Variants in FBXL20 observed in about 807,000 individuals in gnomAD.
The protein encoded by FBXL20 is F-box/LRR-repeat protein 20.
In FBXL20, 11 loss-of-function variants were observed where a neutral mutation model predicts 64.0. The ratio of observed to expected loss-of-function variants is 0.17; its 90% CI spans 0.11 to 0.28. The LOEUF (loss-of-function observed/expected upper bound fraction) is 0.28, where lower values mean the gene tolerates loss of function less well. Among genes scored for constraint, FBXL20 ranks in the 10% least tolerant of loss-of-function variants. FBXL20 has a pLI of 1.00. For synonymous variants in FBXL20, 184 were observed against 189.0 expected, an observed-to-expected ratio of 0.97 and a Z score of 0.22; for missense variants, 303 against 526.2, an observed-to-expected ratio of 0.58 and a Z score of 4.15.
intron 2 of FBXL20, among the ~76,000 whole-genome samples, chr17:39,331,145 G>A (rs930144575): frequency 4.6e-5 from 7 of 152,170 alleles, no homozygotes; most frequent in East Asian, 1.9e-4. Context: ...CTCGCTCTGC[G>A]CCCAGGCTAG....
chr17:39,326,634 T>C (rs1424081687), intron 2 of FBXL20, among the ~76,000 whole-genome samples: 1 of 151,338 alleles, frequency 6.6e-6, no homozygotes, highest in Non-Finnish European at 1.5e-5. Context: ...AAAAATTTTT[T>C]AGAGATGGAG....
rs894588551 is a variant in FBXL20, at chr17:39,253,654, G to A, written c.*7806C>T. The A allele has an allele frequency of 9.2e-5, 14 of 152,390 alleles. No homozygotes were observed. Among genetic ancestry groups the A allele is most frequent in the Admixed American group, 3.3e-4 (5 of 15,280 alleles). 9.4% of individuals were successfully genotyped at this position (152,390 alleles called of 1,614,324 possible). A position where few individuals can be genotyped will look rare whatever the true frequency, so the allele number is the denominator to read the frequency against. On this transcript the variant is annotated 3_prime_UTR_variant, in exon 15 of 15. Coordinates refer to ENST00000264658, the MANE Select transcript of FBXL20 (RefSeq NM_032875.3). ...TAATTTGGAAGTAGGGTGAGGAGGG[G>A]AGTGAGAAGAAATCAAAAGCTCATC...
At chr17:39,361,436 T>C (rs754565854) in intron 1 of FBXL20, among the ~76,000 whole-genome samples, 7 of 152,168 alleles carry the variant, frequency 4.6e-5, no homozygotes, top group Non-Finnish European at 7.3e-5. Context: ...AGCCTAGAAT[T>C]TGCTGGATTG....
intron 2 of FBXL20, among the ~76,000 whole-genome samples, chr17:39,339,875 T>C (rs529739484): frequency 3.3e-5 from 5 of 151,942 alleles, no homozygotes; most frequent in Non-Finnish European, 7.4e-5. Flanking sequence ...CTTGATCTCC[T>C]GACCTCGTGA....
chr17:39,355,227 C>T lies in FBXL20; in HGVS notation c.43-11986G>A, dbSNP rs906155702. Among the ~76,000 whole-genome samples the T allele has an allele frequency of 3.9e-5, 6 of 151,952 alleles. No individual in the cohort carries two copies. The South Asian group carries it at 6.2e-4, about 16-fold the overall frequency. On this transcript the variant is annotated intron_variant, in intron 1 of 14. Transcript: ENST00000264658. ...GATTACAGGTGTGAGCCACCACGCC[C>T]GGCCTAAAATTTCTTGATTAAAAAC...
At chr17:39,312,809 C>T (rs1054223180) in intron 2 of FBXL20, among the ~76,000 whole-genome samples, 1 of 151,160 alleles carries the variant, frequency 6.6e-6, no homozygotes, top group African/African-American at 2.4e-5. Context: ...ATCTCCTGAC[C>T]TCGTGATCCG....
chr17:39,260,629 T>A lies in FBXL20; in HGVS notation c.*831A>T, dbSNP rs1371414068. On this transcript the variant is annotated 3_prime_UTR_variant, in exon 15 of 15. Coordinates refer to ENST00000264658, the MANE Select transcript of FBXL20 (RefSeq NM_032875.3). ...AAAATATTTATTGATAATATCTTTT[T>A]AAAAAATGTTTGGTAATCCCAACTA... 2 of 152,526 alleles carry A rather than the reference T, an allele frequency of 1.3e-5. No homozygotes were observed. Among genetic ancestry groups the A allele is most frequent in the African/African-American group, 4.8e-5 (2 of 41,442 alleles). The allele number at this position is 152,526 out of a possible 1,614,324, so 9.4% of individuals were successfully genotyped here. A position where few individuals can be genotyped will look rare whatever the true frequency, so the allele number is the denominator to read the frequency against.
In FBXL20 at chr17:39,285,486, T is replaced by C; in HGVS notation, c.486A>G (p.Lys162=). 1 of 1,589,850 alleles carries C rather than the reference T, an allele frequency of 6.3e-7. No individual in the cohort carries two copies. The highest frequency in any genetic ancestry group is 1.7e-4 in the Middle Eastern group (1 of 5,952). Residue 162 remains lysine (K), a synonymous_variant, in exon 7 of 15, where the codon AAA becomes AAG. Coordinates refer to ENST00000264658, the MANE Select transcript of FBXL20 (RefSeq NM_032875.3). The stretch of plus-strand genomic sequence containing the variant: ...TATTATAAGAAATTTACCTCAGAGC[T>C]TTTAGAGACATGTTTGTTATTGATG... ...SCTSITNMSL[K]ALSEGCPLLE... is the part of the protein sequence containing the mutation.
chr17:39,288,286 T>C (rs1264071246), intron 6 of FBXL20, among the ~76,000 whole-genome samples: 7 of 152,146 alleles, frequency 4.6e-5, no homozygotes, highest in Admixed American at 2.0e-4. Flanking sequence ...CCTTTTCTTA[T>C]GCTTATTTGC....
chr17:39,382,643 G>C (rs766474068), intron 1 of FBXL20, among the ~76,000 whole-genome samples: 146 of 152,036 alleles, frequency 9.6e-4, no homozygotes, highest in Admixed American at 2.4e-3. Flanking sequence ...GACCAATCTG[G>C]GCAAGATAGG....
chr17:39,389,862 T>C (rs183292722), intron 1 of FBXL20, among the ~76,000 whole-genome samples: 4 of 152,280 alleles, frequency 2.6e-5, no homozygotes, highest in African/African-American at 9.6e-5. Flanking sequence ...ATGTCTGTGT[T>C]TAATCATGTC....
chr17:39,353,586 G>T (rs2047708457), intron 1 of FBXL20, among the ~76,000 whole-genome samples: 1 of 148,914 alleles, frequency 6.7e-6, no homozygotes, highest in African/African-American at 2.5e-5. Context: ...ATGGATAAGG[G>T]AGACCACTAC....
At chr17:39,275,724 A>G (rs1469024151) in intron 9 of FBXL20, among the ~76,000 whole-genome samples, 1 of 152,036 alleles carries the variant, frequency 6.6e-6, no homozygotes, top group Non-Finnish European at 1.5e-5. Flanking sequence ...TTAAATATTA[A>G]AACCTAGAAA....
At chr17:39,299,927 T>C (rs1161229234) in intron 4 of FBXL20, among the ~76,000 whole-genome samples, 1 of 151,704 alleles carries the variant, frequency 6.6e-6, no homozygotes, top group Non-Finnish European at 1.5e-5. Flanking sequence ...TGAAACCCAA[T>C]CTCTACTAAA....
upstream of FBXL20, chr17:39,402,279 C>T: frequency 1.7e-6 from 2 of 1,165,072 alleles, no homozygotes; most frequent in Non-Finnish European, 2.1e-6. Flanking sequence ...CGCGCCTCCG[C>T]GGTTGCCGCC....
intron 14 of FBXL20, among the ~76,000 whole-genome samples, chr17:39,262,273 GA>G (rs1237054901): frequency 1.3e-5 from 2 of 152,018 alleles, no homozygotes; most frequent in Non-Finnish European, 2.9e-5. Flanking sequence ...GGCCAACGTG[GA>G]TTTTTTAGAG....
intron 1 of FBXL20, among the ~76,000 whole-genome samples, chr17:39,362,575 G>A (rs1314381541): frequency 4.6e-5 from 7 of 150,952 alleles, no homozygotes; most frequent in Non-Finnish European, 8.8e-5. Flanking sequence ...CACCTGCCTC[G>A]GCCTCCCAAA....
chr17:39,339,952 T>C (rs1208935008), intron 2 of FBXL20, among the ~76,000 whole-genome samples: 1 of 151,882 alleles, frequency 6.6e-6, no homozygotes, highest in East Asian at 1.9e-4. Context: ...GGATTTTTTT[T>C]TTTTGAAATG....
Position 39,259,166 on chromosome 17 carries a change from TAAAAC to T in FBXL20, c.*2289_*2293del, listed in dbSNP as rs1205231125. 4 of 152,024 alleles carry T rather than the reference TAAAAC, an allele frequency of 2.6e-5. No homozygotes were observed. Among genetic ancestry groups the T allele is most frequent in the Non-Finnish European group, 5.9e-5 (4 of 68,016 alleles). 9.4% of individuals were successfully genotyped at this position (152,024 alleles called of 1,614,324 possible). A position where few individuals can be genotyped will look rare whatever the true frequency, so the allele number is the denominator to read the frequency against. On this transcript the variant is annotated 3_prime_UTR_variant, in exon 15 of 15. Coordinates refer to ENST00000264658, the MANE Select transcript of FBXL20 (RefSeq NM_032875.3). Reference sequence around the variant, plus strand: ...CTGGTATAATCAGCAACTGCAGCATTAAAACAAACCTCTTAAGCTGGGTACAGTGG... The same window carrying T: ...CTGGTATAATCAGCAACTGCAGCATTAAACCTCTTAAGCTGGGTACAGTGG...
Sources: allele counts gnomAD v4.1 joint callset (sites outside exome capture counted in the v4.1 genomes callset), GRCh38; gene constraint gnomAD v4.1.1; transcripts MANE v1.5; gene names NCBI Gene and HGNC (gene_info 2026-07-23, HGNC 2026-07-21).